Variants in STAG3 observed in about 807,000 individuals in gnomAD.
STAG3 encodes STAG3 cohesin complex component.
A neutral mutation model predicts 160.7 loss-of-function variants in STAG3; 101 were observed. That is an observed-to-expected ratio of 0.63 (90% CI 0.54 to 0.74). The LOEUF is 0.74. STAG3 is among the 30% of genes least tolerant of loss of function. The probability of loss-of-function intolerance (pLI) is 0.00; values close to 1 mark genes in which losing one functional copy is unlikely to be tolerated. For missense variants in STAG3, 1,188 were observed against 1,517.4 expected (o/e 0.78, Z 3.61); for synonymous variants, 519 against 585.0 (o/e 0.89, Z 1.63).
chr7:100,197,592 C>CT, intron 10 of STAG3, 186 bp from the exon 11 acceptor site: 1 of 661,972 alleles, frequency 1.5e-6, no homozygotes, highest in South Asian at 1.8e-5. Context: ...ATGAGTACTG[C>CT]TGTGATCCTT....
chr7:100,200,514 A>C lies in STAG3; in HGVS notation c.1832A>C (p.His611Pro). 1 of 1,614,022 alleles carries C rather than the reference A, an allele frequency of 6.2e-7. No homozygotes were observed. Among genetic ancestry groups the C allele is most frequent in the Non-Finnish European group, 8.5e-7 (1 of 1,180,020 alleles). The change falls in exon 18 of 34, where the codon CAC becomes CCC. Residue 611 changes from histidine (H) to proline (P), a missense_variant. Around this residue, in one of 4 missense-constraint regions of STAG3, gnomAD observed 240 missense variants for 358.1 expected, o/e 0.67. Transcript: ENST00000615138. ...CAGCTTCTCAGCTGCTTTGACCTCC[A>C]CATCTACTGCACTGGGCGCTTGGAG... ...LLQLLSCFDLHIYCTGRLEKH... is the reference protein window; with the variant it reads ...LLQLLSCFDLPIYCTGRLEKH...
rs781610810 is a variant in STAG3 at position 100,201,832 on chromosome 7, C to T, written c.2267C>T (p.Thr756Ile). ...LTLVYFSILW[T>I]LTHISKSDAS... ...CTTGTCTATTTTTCCATTCTCTGGA[C>T]ACTAACCCACATTTCTAAATCAGAT... is the stretch of plus-strand genomic sequence containing the variant. The change falls in exon 22 of 34, where the codon ACA (threonine) becomes ATA (isoleucine). Residue 756 changes from threonine to isoleucine, a missense_variant. Thr to Ile is a moderately conservative substitution (Grantham distance 89). This residue lies in a region of STAG3 where 647 missense variants were observed against 717.2 expected (regional missense o/e 0.90). Transcript: ENST00000615138. 21 of 1,614,042 alleles carry T rather than the reference C, an allele frequency of 1.3e-5. No homozygotes were observed. Among genetic ancestry groups the T allele is most frequent in the Non-Finnish European group, 1.7e-5 (20 of 1,180,044 alleles).
rs1412532271 is a variant in STAG3 at position 100,200,460 on chromosome 7, C to G, written c.1778C>G (p.Ala593Gly). The G allele has an allele frequency of 6.2e-7, 1 of 1,614,126 alleles. No homozygotes were observed. Among genetic ancestry groups the G allele is most frequent in the South Asian group, 1.1e-5 (1 of 91,078 alleles). The change falls in exon 18 of 34, where the codon GCT becomes GGT. Residue 593 changes from alanine (A) to glycine (G), a missense_variant. Ala to Gly is a moderately conservative substitution (Grantham distance 60). Around this residue, in one of 4 missense-constraint regions of STAG3, gnomAD observed 240 missense variants for 358.1 expected, o/e 0.67. Coordinates refer to ENST00000615138, the MANE Select transcript of STAG3 (RefSeq NM_001282717.2). ...LLPQLLAKFSADAEKVTPLLQ... is the reference protein window; with the variant it reads ...LLPQLLAKFSGDAEKVTPLLQ... Reference sequence around the variant, plus strand: ...CCCTGTCAATCATCACAGTTCTCAGCTGATGCAGAGAAGGTCACTCCCCTG... The same window carrying G: ...CCCTGTCAATCATCACAGTTCTCAGGTGATGCAGAGAAGGTCACTCCCCTG...
At chr7:100,217,343 G>A (rs1445502907), downstream of STAG3, among the ~76,000 whole-genome samples, 1 of 152,190 alleles carries the variant, frequency 6.6e-6, no homozygotes, top group Non-Finnish European at 1.5e-5. Context: ...CACTGGCCAG[G>A]CCCAGGCCAG....
At chr7:100,197,424 C>CAGTGCTAGGGGAAT in intron 10 of STAG3, 145 bp downstream of exon 10, 2 of 1,156,570 alleles carry the variant, frequency 1.7e-6, no homozygotes, top group Non-Finnish European at 2.6e-6. Flanking sequence ...TGAAATTCCC[C>CAGTGCTAGGGGAAT]TAGCACTGGG....
chr7:100,191,242 A>C (rs1800328481), intron 8 of STAG3, among the ~76,000 whole-genome samples: 1 of 152,136 alleles, frequency 6.6e-6, no homozygotes, highest in South Asian at 2.1e-4. Context: ...ATCTTTAGAC[A>C]CTGCTAAATC....
intron 1 of STAG3, among the ~76,000 whole-genome samples, chr7:100,179,430 G>T (rs1184251704): frequency 6.6e-6 from 1 of 151,898 alleles, no homozygotes; most frequent in Non-Finnish European, 1.5e-5. Flanking sequence ...TTGCTATGTT[G>T]CCCAGATTGG....
chr7:100,178,986 C>G (rs1254325372), intron 1 of STAG3, among the ~76,000 whole-genome samples: 2 of 151,808 alleles, frequency 1.3e-5, no homozygotes, highest in African/African-American at 4.8e-5. Context: ...ACCACCACAC[C>G]TGGCTAGTTT....
chr7:100,217,065 TC>T (rs1449945700), downstream of STAG3, among the ~76,000 whole-genome samples: 2 of 152,206 alleles, frequency 1.3e-5, no homozygotes, highest in Non-Finnish European at 2.9e-5. Flanking sequence ...TTGCCTCTCT[TC>T]CCTCACAATA....
intron 8 of STAG3, among the ~76,000 whole-genome samples, chr7:100,194,576 C>G (rs1800559581): frequency 6.6e-6 from 1 of 152,066 alleles, no homozygotes; most frequent in East Asian, 1.9e-4. Context: ...CGCTTGAGCC[C>G]AGGAGTTCAA....
chr7:100,184,316 A>T (rs1156640915), intron 4 of STAG3, among the ~76,000 whole-genome samples: 1 of 151,160 alleles, frequency 6.6e-6, no homozygotes, highest in Non-Finnish European at 1.5e-5. Flanking sequence ...ATGGCCTAGT[A>T]TTGAGTTGGT....
intron 4 of STAG3, among the ~76,000 whole-genome samples, chr7:100,184,047 C>T (rs1420772165): frequency 1.3e-5 from 2 of 152,158 alleles, no homozygotes; most frequent in Non-Finnish European, 1.5e-5. Context: ...GGGCAGATCA[C>T]TCGAGGCCAG....
intron 5 of STAG3, among the ~76,000 whole-genome samples, chr7:100,187,091 G>T (rs1584665429): frequency 6.6e-6 from 1 of 152,078 alleles, no homozygotes; most frequent in East Asian, 1.9e-4. Flanking sequence ...GAGTGCAGTG[G>T]CATGATCTCG....
chr7:100,217,507 TG>T (rs1802863280), downstream of STAG3, among the ~76,000 whole-genome samples: 1 of 140,212 alleles, frequency 7.1e-6, no homozygotes, highest in Non-Finnish European at 1.6e-5. Context: ...AGATGAGAGA[TG>T]GTAGAAATGA....
At position 100,211,497 on chromosome 7, in the gene STAG3, C is replaced by A; in HGVS notation, c.3476C>A (p.Pro1159Gln). The part of the protein sequence containing the change: ...RFLGPQYFQT[P>Q]HNPSGPGLGN... ...TTGGGTCCACAATATTTCCAGACTC[C>A]ACACAACCCTTCAGGTCCTGGCCTG... Residue 1159 changes from proline to glutamine, a missense_variant, in exon 31 of 34, where the codon CCA becomes CAA. This residue lies in a region of STAG3 where 647 missense variants were observed against 717.2 expected (regional missense o/e 0.90). Coordinates refer to ENST00000615138, the MANE Select transcript of STAG3 (RefSeq NM_001282717.2). The A allele has an allele frequency of 6.2e-7, 1 of 1,613,906 alleles. No individual in the cohort carries two copies. The highest frequency in any genetic ancestry group is 8.5e-7 in the Non-Finnish European group (1 of 1,180,004).
chr7:100,198,529 G>A lies in STAG3; in HGVS notation c.1299G>A (p.Val433=). 1.2e-6 allele frequency: 2 copies of A among 1,614,220 alleles called. No homozygotes were observed. The highest frequency in any genetic ancestry group is 1.7e-6 in the Non-Finnish European group (2 of 1,180,044). Residue 433 remains valine, a synonymous_variant, in exon 13 of 34, where the codon GTG becomes GTA. Coordinates refer to ENST00000615138, the MANE Select transcript of STAG3 (RefSeq NM_001282717.2). ...DADCESVYPV[V]YASHRGLASA... is the part of the protein sequence containing the mutation. ...ATTGTGAGAGCGTCTACCCAGTTGT[G>A]TATGCCTCTCATCGAGGCCTGGCCT...
rs1801493927 is a variant in STAG3 at position 100,204,918 on chromosome 7, G to T, written c.2952-87G>T. ...GCCTTTGGAGACAAGCTGGGGACGG[G>T]GGGAGGGTGCATTTGGACAGGATAG... On this transcript the variant is annotated intron_variant, in intron 27 of 33. Coordinates refer to ENST00000615138, the MANE Select transcript of STAG3 (RefSeq NM_001282717.2). The T allele has an allele frequency of 3.2e-6, 5 of 1,575,412 alleles. No individual in the cohort carries two copies. The Admixed American group carries it at 5.3e-5, about 17-fold the overall frequency.
At chr7:100,189,060 A>T (rs959679670) in intron 7 of STAG3, 44 bp downstream of exon 7, 8 of 1,602,284 alleles carry the variant, frequency 5.0e-6, no homozygotes, top group African/African-American at 1.3e-5. Context: ...GGGGATTTAT[A>T]GGACTTTCCT....
At chr7:100,205,696 G>A (rs1368420984) in intron 29 of STAG3, among the ~76,000 whole-genome samples, 1 of 151,956 alleles carries the variant, frequency 6.6e-6, no homozygotes, top group Non-Finnish European at 1.5e-5. Flanking sequence ...TGGGCATGGT[G>A]GCGCGCATCT....
Sources: gnomAD v4.1 joint callset for allele counts (sites outside exome capture counted in the v4.1 genomes callset) on GRCh38, gnomAD v4.1.1 for gene constraint, gnomAD v4.1.1 regional missense constraint, MANE v1.5 for transcripts, NCBI Gene and HGNC (gene_info 2026-07-23, HGNC 2026-07-21) for gene names.